The following FANCA variants were observed in gnomAD, a reference collection of about 807,000 sequenced individuals.
FANCA encodes Fanconi anemia group A protein.
A neutral mutation model predicts 194.3 loss-of-function variants in FANCA; 236 were observed. The observed-to-expected ratio is 1.21, with a 90% confidence interval of 1.09 to 1.35. The LOEUF is 1.35. Ranked by LOEUF, FANCA falls within the 40% of genes most tolerant of loss-of-function variation. The pLI, the probability that FANCA is intolerant of heterozygous loss-of-function variation, is 0.00. For synonymous variants in FANCA, 1,014 were observed against 715.8 expected (o/e 1.42, Z -6.65); for missense variants, 2,628 against 1,813.9 (o/e 1.45, Z -8.15).
intron 28 of FANCA, among the ~76,000 whole-genome samples, chr16:89,764,044 C>T (rs1159797739): frequency 8.6e-5 from 13 of 151,760 alleles, no homozygotes; most frequent in African/African-American, 3.1e-4. Flanking sequence ...GAGTTTAAGA[C>T]CAGCCTGGAC....
At chr16:89,766,186 C>T (rs1598104514) in intron 27 of FANCA, among the ~76,000 whole-genome samples, 1 of 145,616 alleles carries the variant, frequency 6.9e-6, no homozygotes, top group Non-Finnish European at 1.5e-5. Flanking sequence ...TAGTAGAGAC[C>T]AGGTTTCACC....
rs779441670 is a variant in FANCA at position 89,778,899 on chromosome 16, C to T, written c.1776+44G>A. ...GAGAGACTGACAAGGAAAGTCCTTGCTTTCTACACAACTGGTCACAAACTC... is the reference window on the plus strand; with the variant it reads ...GAGAGACTGACAAGGAAAGTCCTTGTTTTCTACACAACTGGTCACAAACTC... On this transcript the variant is annotated intron_variant, in intron 19 of 42. Coordinates refer to ENST00000389301, the MANE Select transcript of FANCA (RefSeq NM_000135.4). The T allele has an allele frequency of 1.2e-4, 190 of 1,613,988 alleles. 1 individual carries two copies. Among genetic ancestry groups the T allele is most frequent in the South Asian group, 1.0e-3 (94 of 91,082 alleles).
At chr16:89,773,626 G>A (rs946426725) in intron 21 of FANCA, among the ~76,000 whole-genome samples, 1 of 151,918 alleles carries the variant, frequency 6.6e-6, no homozygotes, top group Non-Finnish European at 1.5e-5. Context: ...ACAAGTTTAA[G>A]AAAAAAAGCG....
chr16:89,813,174 G>A (rs994864227), intron 3 of FANCA, among the ~76,000 whole-genome samples: 1 of 151,870 alleles, frequency 6.6e-6, no homozygotes, highest in African/African-American at 2.4e-5. Flanking sequence ...CAACACCTTG[G>A]GTGGCTGAGG....
At position 89,783,110 on chromosome 16, in the gene FANCA, T is replaced by C. The variant is rs374717514; in HGVS notation, c.1471-8A>G. The C allele has an allele frequency of 1.1e-5, 17 of 1,604,866 alleles. No individual in the cohort carries two copies. Among genetic ancestry groups the C allele is most frequent in the Non-Finnish European group, 6.0e-6 (7 of 1,172,188 alleles). ...TGGGTGGAGAATGTGCACCTGAGGA[T>C]AGATAGCAGAGCGCAGCACCGTTAG... On this transcript the variant is annotated splice_region_variant and splice_polypyrimidine_tract_variant and intron_variant, in intron 15 of 42. Transcript: ENST00000389301.
intron 35 of FANCA, among the ~76,000 whole-genome samples, chr16:89,746,036 C>A (rs949027433): frequency 4.2e-4 from 64 of 152,316 alleles, no homozygotes; most frequent in African/African-American, 1.4e-3. Context: ...AGGGCGACAG[C>A]TGTGGTCTTC....
chr16:89,762,224 G>T (rs1265437964), intron 28 of FANCA, among the ~76,000 whole-genome samples: 1 of 152,184 alleles, frequency 6.6e-6, no homozygotes, highest in Non-Finnish European at 1.5e-5. Flanking sequence ...CTAGCACAAA[G>T]ATGTTAGTAC....
intron 30 of FANCA, among the ~76,000 whole-genome samples, chr16:89,757,869 C>T (rs1042010810): frequency 3.3e-5 from 5 of 152,244 alleles, no homozygotes; most frequent in South Asian, 2.1e-4. Flanking sequence ...AGAAAAACAA[C>T]GTTGTTGCTA....
In FANCA at chr16:89,770,963, G is replaced by A. The variant is rs547921279; in HGVS notation, c.2152-329C>T. Among the ~76,000 whole-genome samples, 7 of 152,112 alleles carry A rather than the reference G, an allele frequency of 4.6e-5. No homozygotes were observed. The South Asian group carries it at 6.2e-4, about 14-fold the overall frequency. ...TGTCGCATATTCTAAAGAGGCAGTC[G>A]AGCCCAACCTGGTCAACATGATGAA... On this transcript the variant is annotated intron_variant, in intron 23 of 42. Coordinates refer to ENST00000389301, the MANE Select transcript of FANCA (RefSeq NM_000135.4).
At chr16:89,747,268 T>G (rs1361841928) in intron 33 of FANCA, among the ~76,000 whole-genome samples, 1 of 152,228 alleles carries the variant, frequency 6.6e-6, no homozygotes, top group Admixed American at 6.5e-5. Flanking sequence ...AAGTGCTGTC[T>G]ATGGTGTTTT....
chr16:89,776,013 C>CATATTAATCAT (rs1191992531), intron 20 of FANCA, among the ~76,000 whole-genome samples, 198 bp from the exon 21 acceptor site: 3 of 151,354 alleles, frequency 2.0e-5, no homozygotes, highest in African/African-American at 4.8e-5. Context: ...CAAAATATAT[C>CATATTAATCAT]ATATTAATCA....
At chr16:89,750,050 C>G in intron 31 of FANCA, 148 bp from the exon 32 acceptor site, 1 of 844,088 alleles carries the variant, frequency 1.2e-6, no homozygotes, top group Non-Finnish European at 1.9e-6. Context: ...AATTGGAAAT[C>G]ACTTTGAAAT....
chr16:89,751,519 T>A (rs1283002067), intron 31 of FANCA, among the ~76,000 whole-genome samples: 1 of 152,108 alleles, frequency 6.6e-6, no homozygotes, highest in Non-Finnish European at 1.5e-5. Context: ...AAGCAGATGG[T>A]CTCACTGAGA....
intron 4 of FANCA, 32 bp downstream of exon 4, chr16:89,810,897 G>A (rs368561871): frequency 1.2e-6 from 2 of 1,614,070 alleles, no homozygotes; most frequent in African/African-American, 1.3e-5. Flanking sequence ...AGTAACAACG[G>A]GCAGGTTTCC....
rs1024645927 is a variant in FANCA at position 89,805,173 on chromosome 16, C to T, written c.709+107G>A. On this transcript the variant is annotated intron_variant, in intron 7 of 42. Coordinates refer to ENST00000389301, the MANE Select transcript of FANCA (RefSeq NM_000135.4). The stretch of plus-strand genomic sequence containing the variant: ...GTCTGTCATGCCAGGTTCCCACGGC[C>T]ACGGAGAGACAGGCTGTTCTGCCTC... 41 of 853,400 alleles carry T rather than the reference C, an allele frequency of 4.8e-5. 2 individuals carry two copies. In the East Asian group the frequency reaches 8.8e-4, roughly 18 times the overall value. The allele number at this position is 853,400 out of a possible 1,614,324, so 52.9% of individuals were successfully genotyped here.
At chr16:89,797,439 C>A (rs536500141) in intron 10 of FANCA, among the ~76,000 whole-genome samples, 7 of 152,214 alleles carry the variant, frequency 4.6e-5, no homozygotes, top group Admixed American at 1.3e-4. Flanking sequence ...AAACTCAAGA[C>A]ACTCACACAA....
chr16:89,814,661 G>A lies in FANCA; in HGVS notation c.190-48C>T, dbSNP rs775085040. ...CTCCATTTAAAAAATTCAAGCTCCAGGCCAGGCGTAGTGGCTCACGCCTGT... is the reference window on the plus strand; with the variant it reads ...CTCCATTTAAAAAATTCAAGCTCCAAGCCAGGCGTAGTGGCTCACGCCTGT... On this transcript the variant is annotated intron_variant, in intron 2 of 42. Coordinates refer to ENST00000389301, the MANE Select transcript of FANCA (RefSeq NM_000135.4). The A allele has an allele frequency of 4.9e-6, 7 of 1,426,022 alleles. No homozygotes were observed. In the South Asian group the frequency reaches 8.0e-5, roughly 16 times the overall value. 88.3% of individuals were successfully genotyped at this position (1,426,022 alleles called of 1,614,324 possible).
Position 89,740,588 on chromosome 16 carries a change from A to G in FANCA, c.3828+216T>C, listed in dbSNP as rs545404940. On this transcript the variant is annotated intron_variant, in intron 38 of 42. Transcript: ENST00000389301. ...GAGGCTGAGGTTGCAGTGAGCTGAG[A>G]TCACACCACTGCACTCCAGCCTGGG... is the stretch of plus-strand genomic sequence containing the variant. 1.6e-4 allele frequency: 93 copies of G among 580,696 alleles called. No homozygotes were observed. In the Admixed American group the frequency reaches 1.6e-3, roughly 10 times the overall value. 36.0% of individuals were successfully genotyped at this position (580,696 alleles called of 1,614,324 possible).
In FANCA at chr16:89,737,913, T is replaced by A; in HGVS notation, c.*688A>T. 6.3e-7 allele frequency: 1 copy of A among 1,575,292 alleles called. No homozygotes were observed. Among genetic ancestry groups the A allele is most frequent in the South Asian group, 1.1e-5 (1 of 89,360 alleles). On this transcript the variant is annotated 3_prime_UTR_variant, in exon 43 of 43. Transcript: ENST00000389301. ...GGGAGCCAAGCCTTTGCAGTAAGTG[T>A]GAGTCAGGACCCCCTCCCAGGGCTG...
Sources: allele counts gnomAD v4.1 joint callset (sites outside exome capture counted in the v4.1 genomes callset), GRCh38; gene constraint gnomAD v4.1.1; transcripts MANE v1.5; gene names NCBI Gene and HGNC (gene_info 2026-07-23, HGNC 2026-07-21).